PTK2: variants seen among roughly 807,000 people sequenced by gnomAD.
The protein encoded by PTK2 is focal adhesion kinase 1.
In PTK2, 45 loss-of-function variants were observed where a neutral mutation model predicts 150.1. That is an observed-to-expected ratio of 0.30 (90% CI 0.24 to 0.38). The LOEUF is 0.38. Ranked by LOEUF, PTK2 falls within the 10% of genes least tolerant of loss-of-function variation. PTK2 has a pLI of 1.00. For missense variants in PTK2, 919 were observed against 1,307.3 expected (o/e 0.70, Z 4.58); for synonymous variants, 432 against 449.2 (o/e 0.96, Z 0.48).
At chr8:140,681,867 G>A (rs1390412858) in intron 27 of PTK2, among the ~76,000 whole-genome samples, 1 of 152,242 alleles carries the variant, frequency 6.6e-6, no homozygotes, top group East Asian at 1.9e-4. Flanking sequence ...ACCTATTTAT[G>A]CTGGAGGTTG....
rs761643170 is a variant in PTK2 at position 140,759,530 on chromosome 8, T to TAAAAA, written c.1332+1630_1332+1634dup. Among the ~76,000 whole-genome samples the TAAAAA allele has an allele frequency of 2.9e-3, 170 of 58,050 alleles. 4 individuals are homozygous for TAAAAA. The highest frequency in any genetic ancestry group is 0.012 in the African/African-American group (152 of 12,650). 38.1% of individuals were successfully genotyped at this position (58,050 alleles called of 152,430 possible). On this transcript the variant is annotated intron_variant, in intron 16 of 31. Coordinates refer to ENST00000522684, the Ensembl canonical transcript of PTK2. ...TTGGTGACAGAGTAAGACCCTGTCC[T>TAAAAA]AAAAAAAAAAAAAAAAAAAAAAAAG...
At chr8:140,765,788 T>C (rs35347927) in intron 14 of PTK2, among the ~76,000 whole-genome samples, 2,139 of 152,176 alleles carry the variant, frequency 0.014, 31 homozygotes, top group Non-Finnish European at 0.019. Flanking sequence ...GAAAGAAAAT[T>C]TGGGGACGGA....
intron 1 of PTK2, among the ~76,000 whole-genome samples, chr8:140,997,280 AC>A (rs1179179139): frequency 6.6e-5 from 10 of 152,218 alleles, no homozygotes; most frequent in Non-Finnish European, 1.3e-4. Context: ...AATGGAATCT[AC>A]CCCTGGTGAA....
intron 2 of PTK2, among the ~76,000 whole-genome samples, chr8:140,898,513 G>A (rs923443817): frequency 6.6e-6 from 1 of 152,180 alleles, no homozygotes; most frequent in Non-Finnish European, 1.5e-5. Flanking sequence ...AGGGTTCTCA[G>A]TGCCTAACTG....
intron 10 of PTK2, among the ~76,000 whole-genome samples, chr8:140,809,248 A>C (rs2100100008): frequency 6.6e-6 from 1 of 152,230 alleles, no homozygotes. Context: ...AAATACTGAA[A>C]TCAATGAAAA....
At chr8:140,755,441 C>T (rs1434009674) in intron 16 of PTK2, among the ~76,000 whole-genome samples, 1 of 152,192 alleles carries the variant, frequency 6.6e-6, no homozygotes, top group Admixed American at 6.5e-5. Flanking sequence ...GCCACACCGT[C>T]CTCCTGGTGG....
At chr8:140,987,281 A>T (rs1397270132) in intron 1 of PTK2, among the ~76,000 whole-genome samples, 2 of 152,150 alleles carry the variant, frequency 1.3e-5, no homozygotes, top group African/African-American at 4.8e-5. Context: ...CCCAGGTTCA[A>T]GCAATTCTCC....
At chr8:140,766,793 T>C (rs1295431282) in intron 14 of PTK2, among the ~76,000 whole-genome samples, 1 of 152,136 alleles carries the variant, frequency 6.6e-6, no homozygotes, top group African/African-American at 2.4e-5. Context: ...ACAAGCCCAT[T>C]TGGGGAAAAC....
chr8:140,676,778 A>AAAAAAAAAAAAT, intron 27 of PTK2, among the ~76,000 whole-genome samples: 1 of 145,646 alleles, frequency 6.9e-6, no homozygotes, highest in Non-Finnish European at 1.5e-5. Flanking sequence ...AAAAAAAAAA[A>AAAAAAAAAAAAT]AAAAAAAAAA....
chr8:140,993,137 T>G (rs1312265432), intron 1 of PTK2, among the ~76,000 whole-genome samples: 1 of 152,176 alleles, frequency 6.6e-6, no homozygotes, highest in Non-Finnish European at 1.5e-5. Context: ...AGAGCAATAT[T>G]TTTTTCCTGG....
chr8:140,689,630 C>T (rs1161436308), intron 26 of PTK2, among the ~76,000 whole-genome samples: 2 of 152,156 alleles, frequency 1.3e-5, no homozygotes, highest in South Asian at 4.1e-4. Flanking sequence ...TCACATTGAA[C>T]TATTTAAGAG....
In PTK2 at chr8:140,858,279, G is replaced by A. The variant is rs141239483; in HGVS notation, c.450+6033C>T. Among the ~76,000 whole-genome samples, 23 of 151,814 alleles carry A rather than the reference G, an allele frequency of 1.5e-4. No individual in the cohort carries two copies. The East Asian group carries it at 3.9e-3, about 26-fold the overall frequency. On this transcript the variant is annotated intron_variant, in intron 5 of 31. Coordinates refer to ENST00000522684, the Ensembl canonical transcript of PTK2. The stretch of plus-strand genomic sequence containing the variant: ...GGAGAGACTGAGGAGTTCTAACATA[G>A]ATCTAACCCAAAATCCCAGAAGAAA...
At chr8:140,869,840 C>T (rs2100141489) in intron 4 of PTK2, among the ~76,000 whole-genome samples, 1 of 151,344 alleles carries the variant, frequency 6.6e-6, no homozygotes, top group South Asian at 2.1e-4. Flanking sequence ...ACAACATAGC[C>T]TTAAAATCAT....
At chr8:140,971,970 T>C (rs779949132) in intron 1 of PTK2, among the ~76,000 whole-genome samples, 4 of 152,244 alleles carry the variant, frequency 2.6e-5, no homozygotes, top group Non-Finnish European at 5.9e-5. Context: ...GAGAATCTAA[T>C]AGAATTCTAT....
At chr8:140,990,716 C>T (rs576142612) in intron 1 of PTK2, among the ~76,000 whole-genome samples, 39 of 152,202 alleles carry the variant, frequency 2.6e-4, no homozygotes, top group African/African-American at 9.4e-4. Flanking sequence ...TTTATCCCTA[C>T]TCTTCTTCTC....
intron 26 of PTK2, among the ~76,000 whole-genome samples, chr8:140,697,210 AAGTTTAGCACC>A (rs1387056363): frequency 6.6e-6 from 1 of 150,540 alleles, no homozygotes; most frequent in Non-Finnish European, 1.5e-5. Flanking sequence ...CATGGCCTCC[AAGTTTAGCACC>A]AGGCAAACTA....
At chr8:140,779,735 G>C (rs558413363) in intron 14 of PTK2, among the ~76,000 whole-genome samples, 33 of 152,262 alleles carry the variant, frequency 2.2e-4, no homozygotes, top group African/African-American at 7.7e-4. Flanking sequence ...GGTATGAATA[G>C]GGATAAAGAG....
At chr8:140,696,558 A>C (rs138595383) in intron 26 of PTK2, among the ~76,000 whole-genome samples, 77 of 152,292 alleles carry the variant, frequency 5.1e-4, no homozygotes, top group African/African-American at 1.8e-3. Flanking sequence ...CCAGAGGTCA[A>C]CAATGCCCAG....
intron 4 of PTK2, 54 bp downstream of exon 4, chr8:140,879,417 T>C: frequency 6.7e-7 from 1 of 1,502,260 alleles, no homozygotes; most frequent in Non-Finnish European, 8.9e-7. Context: ...TGCATGTTTT[T>C]AAAAAGCAAA....
Sources: allele counts gnomAD v4.1 joint callset (sites outside exome capture counted in the v4.1 genomes callset), GRCh38; gene constraint gnomAD v4.1.1; transcripts MANE v1.5; gene names NCBI Gene and HGNC (gene_info 2026-07-23, HGNC 2026-07-21).